The following GRM8 variants were observed in gnomAD, a reference collection of about 807,000 sequenced individuals.
The protein encoded by GRM8 is glutamate metabotropic receptor 8.
GRM8 carries 47 observed loss-of-function variants against 87.2 expected under a neutral mutation model. The observed-to-expected ratio is 0.54, with a 90% CI of 0.43 to 0.69. The LOEUF is 0.69. GRM8 is among the 30% of genes least tolerant of loss of function. The pLI is 0.00. For missense variants in GRM8, 1,019 were observed against 1,139.2 expected (o/e 0.89, Z 1.52); for synonymous variants, 396 against 404.5 (o/e 0.98, Z 0.25).
intron 9 of GRM8, among the ~76,000 whole-genome samples, chr7:126,472,592 T>C (rs1805405617): frequency 6.6e-6 from 1 of 152,176 alleles, no homozygotes; most frequent in Non-Finnish European, 1.5e-5. Context: ...GACAATGCAA[T>C]AGAAAGTGAA....
At chr7:127,070,592 GA>G (rs1821578115) in intron 3 of GRM8, among the ~76,000 whole-genome samples, 1 of 152,038 alleles carries the variant, frequency 6.6e-6, no homozygotes, top group Admixed American at 6.6e-5. Context: ...GAAGCTCATT[GA>G]AAACAATGAG....
intron 3 of GRM8, among the ~76,000 whole-genome samples, chr7:127,029,335 G>T (rs1163650677): frequency 6.6e-6 from 1 of 152,204 alleles, no homozygotes; most frequent in Non-Finnish European, 1.5e-5. Context: ...GAGATCTGTA[G>T]ATGTCTATTA....
At chr7:126,900,450 G>T (rs562415446) in intron 6 of GRM8, among the ~76,000 whole-genome samples, 4 of 151,892 alleles carry the variant, frequency 2.6e-5, no homozygotes, top group Non-Finnish European at 5.9e-5. Flanking sequence ...ATAACACTAC[G>T]TACCAAAGCG....
chr7:127,018,441 T>G (rs954042570), intron 3 of GRM8, among the ~76,000 whole-genome samples: 1 of 142,810 alleles, frequency 7.0e-6, no homozygotes, highest in African/African-American at 2.6e-5. Flanking sequence ...TACCATTTCC[T>G]CCTCCATTTA....
chr7:127,214,812 T>C (rs1174838413), intron 2 of GRM8, among the ~76,000 whole-genome samples: 4 of 149,968 alleles, frequency 2.7e-5, no homozygotes, highest in Admixed American at 2.6e-4. Flanking sequence ...TGTTAAAACC[T>C]TTTTTTTCCT....
chr7:127,195,472 C>A (rs1795233195), intron 2 of GRM8, among the ~76,000 whole-genome samples: 1 of 152,120 alleles, frequency 6.6e-6, no homozygotes, highest in South Asian at 2.1e-4. Flanking sequence ...AAGCCGCATA[C>A]CTTACAGAAT....
At chr7:126,556,351 A>G (rs1350349652) in intron 8 of GRM8, among the ~76,000 whole-genome samples, 1 of 151,090 alleles carries the variant, frequency 6.6e-6, no homozygotes, top group Non-Finnish European at 1.5e-5. Flanking sequence ...AAAAAAAAAA[A>G]AAAAAAAAAA....
At chr7:126,542,886 A>G (rs542992573) in intron 8 of GRM8, among the ~76,000 whole-genome samples, 1 of 152,236 alleles carries the variant, frequency 6.6e-6, no homozygotes, top group Non-Finnish European at 1.5e-5. Flanking sequence ...GACTTTGTGA[A>G]TTATGTCTAA....
chr7:126,770,523 C>G (rs186597233), intron 6 of GRM8, among the ~76,000 whole-genome samples: 1 of 151,962 alleles, frequency 6.6e-6, no homozygotes, highest in African/African-American at 2.4e-5. Context: ...CATTTGGGAG[C>G]CTTTTTGTAA....
intron 6 of GRM8, among the ~76,000 whole-genome samples, chr7:126,825,839 T>C (rs2130279599): frequency 1.3e-5 from 2 of 151,976 alleles, no homozygotes; most frequent in Middle Eastern, 6.8e-3. Context: ...CATTTAGCAT[T>C]AGGTATATCT....
intron 3 of GRM8, among the ~76,000 whole-genome samples, chr7:127,019,683 C>T (rs911466837): frequency 1.3e-5 from 2 of 151,974 alleles, no homozygotes; most frequent in Non-Finnish European, 2.9e-5. Context: ...TGTCCATTGC[C>T]GCACAAATTT....
chr7:126,718,936 C>T (rs919494818), intron 7 of GRM8, among the ~76,000 whole-genome samples: 2 of 152,148 alleles, frequency 1.3e-5, no homozygotes, highest in Non-Finnish European at 2.9e-5. Flanking sequence ...AGGGTCTGTA[C>T]CATTATCTTT....
intron 7 of GRM8, among the ~76,000 whole-genome samples, chr7:126,612,553 G>C (rs556308033): frequency 6.6e-6 from 1 of 152,202 alleles, no homozygotes; most frequent in African/African-American, 2.4e-5. Flanking sequence ...CGAAGCACTC[G>C]CAACATTCCA....
At position 126,867,237 on chromosome 7, in the gene GRM8, C is replaced by T. The variant is rs184769171; in HGVS notation, c.1156+35305G>A. 4.3e-4 allele frequency among the ~76,000 whole-genome samples: 65 copies of T among 152,186 alleles called. 1 individual carries two copies. Among genetic ancestry groups the T allele is most frequent in the African/African-American group, 1.4e-3 (58 of 41,526 alleles). ...TCCCACTAAGAACTAAACAGGTCAG[C>T]GAGTTCTCACCAATCTGAGTCACTA... is the stretch of plus-strand genomic sequence containing the variant. On this transcript the variant is annotated intron_variant, in intron 6 of 10. Transcript: ENST00000339582.
At chr7:127,048,679 T>C (rs1220086995) in intron 3 of GRM8, among the ~76,000 whole-genome samples, 2 of 152,298 alleles carry the variant, frequency 1.3e-5, no homozygotes, top group Non-Finnish European at 2.9e-5. Context: ...GCAGAGCTGG[T>C]TTTAAACCTA....
At chr7:126,818,908 T>C (rs1204014278) in intron 6 of GRM8, among the ~76,000 whole-genome samples, 1 of 152,156 alleles carries the variant, frequency 6.6e-6, no homozygotes, top group African/African-American at 2.4e-5. Context: ...AGGTATACCT[T>C]GGAATATCAA....
At chr7:127,118,964 T>C (rs558077138) in intron 2 of GRM8, among the ~76,000 whole-genome samples, 42 of 152,320 alleles carry the variant, frequency 2.8e-4, no homozygotes, top group Non-Finnish European at 8.8e-5. Context: ...AGCTAAATAT[T>C]ATCTGCCTCC....
At chr7:127,172,477 G>A (rs564359804) in intron 2 of GRM8, among the ~76,000 whole-genome samples, 11 of 152,176 alleles carry the variant, frequency 7.2e-5, no homozygotes, top group Admixed American at 1.3e-4. Flanking sequence ...GGCCGAGGCA[G>A]GTGGATCATT....
chr7:126,852,541 AAG>A (rs1797305979), intron 6 of GRM8, among the ~76,000 whole-genome samples: 1 of 152,230 alleles, frequency 6.6e-6, no homozygotes, highest in Non-Finnish European at 1.5e-5. Context: ...AATGAAAAGA[AAG>A]AGCTGACAGT....
Sources: gnomAD v4.1 joint callset for allele counts (sites outside exome capture counted in the v4.1 genomes callset) on GRCh38, gnomAD v4.1.1 for gene constraint, MANE v1.5 for transcripts, NCBI Gene and HGNC (gene_info 2026-07-23, HGNC 2026-07-21) for gene names.